RALB: variants seen among roughly 807,000 people sequenced by gnomAD.
The protein encoded by RALB is ras-related protein Ral-B.
In RALB, 16 loss-of-function variants were observed where a neutral mutation model predicts 21.3. The ratio of observed to expected loss-of-function variants is 0.75; its 90% CI spans 0.51 to 1.14. RALB has a LOEUF of 1.14. RALB is among the 50% of genes most tolerant of loss of function. The pLI is 0.00. For synonymous variants in RALB, 93 were observed against 96.1 expected, an observed-to-expected ratio of 0.97 and a Z score of 0.19; for missense variants, 161 against 256.2, an observed-to-expected ratio of 0.63 and a Z score of 2.54.
At chr2:120,268,754 G>A (rs1204109508) in intron 1 of RALB, among the ~76,000 whole-genome samples, 1 of 152,140 alleles carries the variant, frequency 6.6e-6, no homozygotes, top group Non-Finnish European at 1.5e-5. Flanking sequence ...AGGAGTATGT[G>A]TTTAAAAAAC....
intron 1 of RALB, among the ~76,000 whole-genome samples, chr2:120,246,942 G>T (rs1688981003): frequency 6.6e-6 from 1 of 152,248 alleles, no homozygotes; most frequent in Non-Finnish European, 1.5e-5. Flanking sequence ...CTTGGATGAG[G>T]TTGGCTTCCT....
chr2:120,274,984 C>T (rs978644125), intron 1 of RALB, among the ~76,000 whole-genome samples: 15 of 152,170 alleles, frequency 9.9e-5, no homozygotes, highest in Admixed American at 6.5e-5. Context: ...CCTTGTTCCC[C>T]CAGAGAGGTT....
At chr2:120,284,177 A>G (rs917443947) in intron 2 of RALB, among the ~76,000 whole-genome samples, 1 of 152,238 alleles carries the variant, frequency 6.6e-6, no homozygotes, top group African/African-American at 2.4e-5. Context: ...TTTGGAGATA[A>G]TTTATTAGTA....
chr2:120,268,085 T>C (rs1689550575), intron 1 of RALB, among the ~76,000 whole-genome samples: 1 of 152,252 alleles, frequency 6.6e-6, no homozygotes, highest in South Asian at 2.1e-4. Flanking sequence ...CCACTGCACC[T>C]GGCCTAAATG....
chr2:120,286,085 A>G lies in RALB; in HGVS notation c.323+3A>G, dbSNP rs1472796812. 1 of 1,613,404 alleles carries G rather than the reference A, an allele frequency of 6.2e-7. No homozygotes were observed. Among genetic ancestry groups the G allele is most frequent in the East Asian group, 2.2e-5 (1 of 44,878 alleles). The stretch of plus-strand genomic sequence containing the variant: ...TTTACAGCAACTGCCGAATTCAGGT[A>G]TGTCTGAAATGAAATAGCAGAAGCC... On this transcript the variant is annotated splice_donor_region_variant and intron_variant, in intron 3 of 4. Coordinates refer to ENST00000272519, the MANE Select transcript of RALB (RefSeq NM_002881.3).
At chr2:120,292,095 A>T (rs1055911534) in intron 4 of RALB, among the ~76,000 whole-genome samples, 1 of 152,204 alleles carries the variant, frequency 6.6e-6, no homozygotes, top group African/African-American at 2.4e-5. Context: ...CTGGTAGCAG[A>T]GGGCAAAACC....
intron 1 of RALB, chr2:120,240,159 G>A (rs1273853289): frequency 1.5e-5 from 19 of 1,289,472 alleles, no homozygotes; most frequent in East Asian, 5.5e-5. Flanking sequence ...ATTGCACTTC[G>A]AAGCCCCACA....
At chr2:120,247,358 C>T (rs1479942302) in intron 1 of RALB, among the ~76,000 whole-genome samples, 3 of 152,116 alleles carry the variant, frequency 2.0e-5, no homozygotes, top group Non-Finnish European at 2.9e-5. Context: ...ATGTGTTTCC[C>T]AAGTAGCTTT....
intron 2 of RALB, among the ~76,000 whole-genome samples, chr2:120,280,043 G>A (rs993934128): frequency 8.5e-5 from 13 of 152,192 alleles, no homozygotes; most frequent in African/African-American, 2.7e-4. Flanking sequence ...TGCGAACATC[G>A]TGATGTGAGG....
chr2:120,243,834 G>A (rs1299981942), intron 1 of RALB, among the ~76,000 whole-genome samples: 1 of 152,184 alleles, frequency 6.6e-6, no homozygotes, highest in Non-Finnish European at 1.5e-5. Context: ...TTAGGGCTGT[G>A]TCCATTAGAG....
At chr2:120,264,836 C>T (rs1327282830) in intron 1 of RALB, among the ~76,000 whole-genome samples, 2 of 152,174 alleles carry the variant, frequency 1.3e-5, no homozygotes, top group Non-Finnish European at 2.9e-5. Context: ...TTGGGTACCT[C>T]ATATCAGTGG....
At chr2:120,242,084 CAAGG>C (rs981401255) in intron 1 of RALB, among the ~76,000 whole-genome samples, 1 of 152,082 alleles carries the variant, frequency 6.6e-6, no homozygotes, top group African/African-American at 2.4e-5. Context: ...TCAGCTTCAA[CAAGG>C]AAGGAAGGAC....
chr2:120,271,798 G>T (rs1026092370), intron 1 of RALB, among the ~76,000 whole-genome samples: 3 of 152,032 alleles, frequency 2.0e-5, no homozygotes, highest in Admixed American at 6.5e-5. Context: ...ATTATATCTT[G>T]TACCATCTTT....
intron 1 of RALB, among the ~76,000 whole-genome samples, chr2:120,262,534 G>A (rs1467488516): frequency 6.6e-6 from 1 of 152,138 alleles, no homozygotes; most frequent in Non-Finnish European, 1.5e-5. Flanking sequence ...GGGGACACCT[G>A]CACTTCTGGT....
chr2:120,252,426 C>T (rs1278193108), upstream of RALB, among the ~76,000 whole-genome samples: 1 of 152,228 alleles, frequency 6.6e-6, no homozygotes, highest in Non-Finnish European at 1.5e-5. Flanking sequence ...CACTCTTCGC[C>T]ACCTCGTAAT....
chr2:120,248,605 G>A (rs949928448), upstream of RALB, among the ~76,000 whole-genome samples: 1 of 152,034 alleles, frequency 6.6e-6, no homozygotes, highest in Non-Finnish European at 1.5e-5. Context: ...TCCTAACCTC[G>A]GTTCCACATC....
chr2:120,246,715 C>G (rs1319930246), intron 1 of RALB, among the ~76,000 whole-genome samples: 1 of 152,156 alleles, frequency 6.6e-6, no homozygotes, highest in South Asian at 2.1e-4. Context: ...GGCTGTGGTT[C>G]CCCAGGGAAG....
At chr2:120,245,069 G>A (rs1558942646) in intron 1 of RALB, among the ~76,000 whole-genome samples, 1 of 152,206 alleles carries the variant, frequency 6.6e-6, no homozygotes, top group African/African-American at 2.4e-5. Flanking sequence ...TTCGAGCCAC[G>A]CTTATCTGGC....
chr2:120,258,556 A>T (rs959175214), intron 1 of RALB, among the ~76,000 whole-genome samples: 2 of 152,224 alleles, frequency 1.3e-5, no homozygotes, highest in African/African-American at 4.8e-5. Flanking sequence ...TTTCATGTGC[A>T]GTGTTAGAAG....
Sources: allele counts gnomAD v4.1 joint callset (sites outside exome capture counted in the v4.1 genomes callset), GRCh38; gene constraint gnomAD v4.1.1; transcripts MANE v1.5; gene names NCBI Gene and HGNC (gene_info 2026-07-23, HGNC 2026-07-21).